Variants in METTL2B observed in about 807,000 individuals in gnomAD.
METTL2B encodes the protein tRNA N(3)-cytidine methyltransferase METTL2B.
METTL2B carries 28 observed loss-of-function variants against 51.0 expected under a neutral mutation model. That is an observed-to-expected ratio of 0.55 (90% CI 0.41 to 0.75). The LOEUF (loss-of-function observed/expected upper bound fraction) is 0.75, where lower values mean the gene tolerates loss of function less well. Ranked by LOEUF, METTL2B falls within the 30% of genes least tolerant of loss-of-function variation. The probability of loss-of-function intolerance (pLI) is 0.00; values close to 1 mark genes in which losing one functional copy is unlikely to be tolerated. For missense variants in METTL2B, 313 were observed against 460.7 expected (o/e 0.68, Z 2.93); for synonymous variants, 128 against 166.3 (o/e 0.77, Z 1.77).
intron 4 of METTL2B, among the ~76,000 whole-genome samples, chr7:128,486,753 C>T (rs1399302674): frequency 1.3e-5 from 2 of 152,104 alleles, no homozygotes; most frequent in Non-Finnish European, 1.5e-5. Flanking sequence ...GGTGAAACCC[C>T]GTCTCTACTA....
intron 5 of METTL2B, among the ~76,000 whole-genome samples, chr7:128,488,806 T>G (rs935282388): frequency 6.6e-6 from 1 of 152,138 alleles, no homozygotes; most frequent in Non-Finnish European, 1.5e-5. Flanking sequence ...TTGCATAAAC[T>G]AATGAAATAC....
rs1793113230 is a variant in METTL2B, at chr7:128,505,839, G to A, written c.*3923G>A. The A allele has an allele frequency of 6.6e-6, 1 of 152,110 alleles. No homozygotes were observed. 9.4% of individuals were successfully genotyped at this position (152,110 alleles called of 1,614,324 possible). ...ATTTGAGTTTCTTGTGGGGTTATTTGTTGTTGTTTTTGAGACAGGCTCACC... is the reference window on the plus strand; with the variant it reads ...ATTTGAGTTTCTTGTGGGGTTATTTATTGTTGTTTTTGAGACAGGCTCACC... On this transcript the variant is annotated 3_prime_UTR_variant, in exon 9 of 9. Transcript: ENST00000262432.
Position 128,476,843 on chromosome 7 carries a change from C to T in METTL2B, c.78C>T (p.Ser26=). 6.2e-7 allele frequency: 1 copy of T among 1,614,092 alleles called. No individual in the cohort carries two copies. Among genetic ancestry groups the T allele is most frequent in the Non-Finnish European group, 8.5e-7 (1 of 1,179,998 alleles). ...AGCAGTTCGGAAGCCGGTTCCTGAGCGATCCGGCGCGCGTCTTCCACCACA... is the reference window on the plus strand; with the variant it reads ...AGCAGTTCGGAAGCCGGTTCCTGAGTGATCCGGCGCGCGTCTTCCACCACA... ...KRQQFGSRFL[S]DPARVFHHNA... is the part of the protein sequence containing the mutation. Residue 26 remains serine (S), a synonymous_variant, in exon 1 of 9, where the codon AGC becomes AGT. Coordinates refer to ENST00000262432, the MANE Select transcript of METTL2B (RefSeq NM_018396.3).
chr7:128,498,765 G>A (rs1177858158), intron 7 of METTL2B, among the ~76,000 whole-genome samples: 2 of 152,092 alleles, frequency 1.3e-5, no homozygotes, highest in East Asian at 3.8e-4. Flanking sequence ...TTGGGAGGCC[G>A]AGTCGGGCAG....
chr7:128,484,230 T>TTTTTTTTGTTTTTTTTTTTTGTTTGTTTG (rs1563027683), intron 4 of METTL2B: 5 of 85,980 alleles, frequency 5.8e-5, no homozygotes, highest in African/African-American at 2.2e-4. Flanking sequence ...TTTTTTTTTT[T>TTTTTTTTGTTTTTTTTTTTTGTTTGTTTG]TTTTTTTTTT....
chr7:128,498,101 A>G lies in METTL2B; in HGVS notation c.875A>G (p.Asp292Gly). The change falls in exon 7 of 9, where the codon GAT becomes GGT. Residue 292 changes from aspartate (D) to glycine (G), a missense_variant. Transcript: ENST00000262432. ...CCTGGGGGGATGGTACTTCTGCGAGATTACGGCCGCTATGACATGGCTCAG... is the reference window on the plus strand; with the variant it reads ...CCTGGGGGGATGGTACTTCTGCGAGGTTACGGCCGCTATGACATGGCTCAG... ...LKPGGMVLLR[D>G]YGRYDMAQLR... 6.2e-7 allele frequency: 1 copy of G among 1,613,964 alleles called. No homozygotes were observed. Among genetic ancestry groups the G allele is most frequent in the Non-Finnish European group, 8.5e-7 (1 of 1,179,928 alleles).
intron 5 of METTL2B, among the ~76,000 whole-genome samples, chr7:128,492,648 C>G (rs935270507): frequency 2.7e-5 from 4 of 150,110 alleles, no homozygotes; most frequent in Non-Finnish European, 5.9e-5. Context: ...ACGGAGTCTC[C>G]CTCTGTTGCC....
chr7:128,487,169 T>G (rs994696871), intron 4 of METTL2B, among the ~76,000 whole-genome samples: 2 of 152,008 alleles, frequency 1.3e-5, no homozygotes, highest in African/African-American at 4.8e-5. Context: ...GTTCCCCGGG[T>G]TTTTAGTCTT....
In METTL2B at chr7:128,502,045, C is replaced by A. The variant is rs1793040166; in HGVS notation, c.*129C>A. On this transcript the variant is annotated 3_prime_UTR_variant, in exon 9 of 9. Coordinates refer to ENST00000262432, the MANE Select transcript of METTL2B (RefSeq NM_018396.3). ...TCAGGAGGCTGAGGCAGGGAGGATC[C>A]ATTGAGCCCAGGAGTCCAGCCTGGG... The A allele has an allele frequency of 1.4e-6, 2 of 1,391,792 alleles. No homozygotes were observed. The highest frequency in any genetic ancestry group is 1.5e-5 in the South Asian group (1 of 68,230). 86.2% of individuals were successfully genotyped at this position (1,391,792 alleles called of 1,614,324 possible).
chr7:128,506,486 A>G lies in METTL2B; in HGVS notation c.*4570A>G, dbSNP rs1372639329. The G allele has an allele frequency of 1.3e-5, 2 of 152,156 alleles. No individual in the cohort carries two copies. Among genetic ancestry groups the G allele is most frequent in the African/African-American group, 2.4e-5 (1 of 41,434 alleles). The allele number at this position is 152,156 out of a possible 1,614,324, so 9.4% of individuals were successfully genotyped here. A position where few individuals can be genotyped will look rare whatever the true frequency, so the allele number is the denominator to read the frequency against. On this transcript the variant is annotated 3_prime_UTR_variant, in exon 9 of 9. Coordinates refer to ENST00000262432, the MANE Select transcript of METTL2B (RefSeq NM_018396.3). ...AATTTGACTCTGTAAGGGACTTTGC[A>G]TAACGTTTCATCCTCAGAATCGCTA...
In METTL2B at chr7:128,480,656, G is replaced by T. The variant is rs1203188545; in HGVS notation, c.568G>T (p.Gly190Cys). Residue 190 changes from glycine (G) to cysteine (C), a missense_variant, in exon 4 of 9, where the codon GGT (glycine) becomes TGT (cysteine). Gly to Cys is a radical substitution (Grantham distance 159, BLOSUM62 -3). This residue lies in a region of METTL2B where 42 missense variants were observed against 113.4 expected (regional missense o/e 0.37). Transcript: ENST00000262432. ...TCATTTCTGTCTGCAGGTTGGCTGT[G>T]GTGTGGGAAACACAGTCTTTCCAAT... is the stretch of plus-strand genomic sequence containing the variant. The part of the protein sequence containing the change: ...ATYRILEVGC[G>C]VGNTVFPILQ... 1 of 1,604,642 alleles carries T rather than the reference G, an allele frequency of 6.2e-7. No individual in the cohort carries two copies. Among genetic ancestry groups the T allele is most frequent in the East Asian group, 2.2e-5 (1 of 44,854 alleles).
chr7:128,480,759 T>C (rs1313718540), intron 4 of METTL2B, 63 bp downstream of exon 4: 31 of 1,481,852 alleles, frequency 2.1e-5, no homozygotes, highest in Non-Finnish European at 2.7e-5. Context: ...GCTGGGCGCA[T>C]TGCTTCACGA....
chr7:128,488,445 G>T (rs1168201534), intron 5 of METTL2B: 2 of 591,678 alleles, frequency 3.4e-6, no homozygotes, highest in Non-Finnish European at 6.5e-6. Flanking sequence ...TAGTGTCTGT[G>T]TGTCATGCTT....
At chr7:128,488,679 C>T in intron 5 of METTL2B, 1 of 363,324 alleles carries the variant, frequency 2.8e-6, no homozygotes, top group Non-Finnish European at 5.5e-6. Context: ...TAGGCCACTT[C>T]ATACTCTACA....
chr7:128,499,826 C>G (rs1047493046), intron 7 of METTL2B, among the ~76,000 whole-genome samples: 10 of 152,090 alleles, frequency 6.6e-5, no homozygotes, highest in Non-Finnish European at 1.0e-4. Context: ...CAGCTTACAG[C>G]CTTTTTTTAA....
chr7:128,476,864 C>T lies in METTL2B; in HGVS notation c.99C>T (p.His33=), dbSNP rs1462414410. 1.9e-6 allele frequency: 3 copies of T among 1,614,082 alleles called. No individual in the cohort carries two copies. In the East Asian group the frequency reaches 6.7e-5, roughly 36 times the overall value. ...TGAGCGATCCGGCGCGCGTCTTCCA[C>T]CACAATGCCTGGTAATCACCCTGCC... ...RFLSDPARVF[H]HNAWDNVEWS... Residue 33 remains histidine, a synonymous_variant, in exon 1 of 9, where the codon CAC becomes CAT. Coordinates refer to ENST00000262432, the MANE Select transcript of METTL2B (RefSeq NM_018396.3).
At chr7:128,494,393 C>T (rs1444670004) in intron 6 of METTL2B, among the ~76,000 whole-genome samples, 1 of 152,212 alleles carries the variant, frequency 6.6e-6, no homozygotes. Context: ...ATGTGAGCAT[C>T]TCAACTATTT....
At chr7:128,493,368 A>G (rs998671210) in intron 5 of METTL2B, among the ~76,000 whole-genome samples, 3 of 152,040 alleles carry the variant, frequency 2.0e-5, no homozygotes, top group African/African-American at 7.2e-5. Flanking sequence ...ATGCGCCACC[A>G]CACCCAGCTA....
At chr7:128,490,961 T>C (rs533442315) in intron 5 of METTL2B, among the ~76,000 whole-genome samples, 1 of 151,382 alleles carries the variant, frequency 6.6e-6, no homozygotes, top group East Asian at 2.0e-4. Context: ...AGGAGTTCGA[T>C]ACCAGCCTGA....
Sources: gnomAD v4.1 joint callset for allele counts (sites outside exome capture counted in the v4.1 genomes callset) on GRCh38, gnomAD v4.1.1 for gene constraint, gnomAD v4.1.1 regional missense constraint, MANE v1.5 for transcripts, NCBI Gene and HGNC (gene_info 2026-07-23, HGNC 2026-07-21) for gene names.